Variants in SSH2 observed in about 807,000 individuals in gnomAD.
The protein encoded by SSH2 is protein phosphatase Slingshot homolog 2.
In SSH2, 37 loss-of-function variants were observed where a neutral mutation model predicts 135.2. The ratio of observed to expected loss-of-function variants is 0.27; its 90% CI spans 0.21 to 0.36. The LOEUF (loss-of-function observed/expected upper bound fraction) is 0.36. Among genes scored for constraint, SSH2 ranks in the 10% least tolerant of loss-of-function variants. SSH2 has a pLI of 1.00. For missense variants in SSH2, 1,408 were observed against 1,765.3 expected (o/e 0.80, Z 3.63); for synonymous variants, 628 against 646.2 (o/e 0.97, Z 0.43).
chr17:29,899,033 C>T (rs944336648), intron 1 of SSH2, among the ~76,000 whole-genome samples: 1 of 151,996 alleles, frequency 6.6e-6, no homozygotes, highest in African/African-American at 2.4e-5. Flanking sequence ...AAAAACCACA[C>T]GATTATCTCA....
intron 1 of SSH2, among the ~76,000 whole-genome samples, chr17:29,878,391 C>G (rs1188767929): frequency 6.6e-6 from 1 of 152,178 alleles, no homozygotes. Flanking sequence ...TGTGCCATTG[C>G]ACTCCAGCCT....
At chr17:29,761,843 A>ATGTGTGTGTGTGTGTGTGTGTGTG in intron 3 of SSH2, among the ~76,000 whole-genome samples, 1 of 142,542 alleles carries the variant, frequency 7.0e-6, no homozygotes, top group African/African-American at 2.7e-5. Flanking sequence ...TCACATACAT[A>ATGTGTGTGTGTGTGTGTGTGTGTG]TGTGTGTGTG....
intron 3 of SSH2, among the ~76,000 whole-genome samples, chr17:29,792,039 C>T (rs1298764779): frequency 6.6e-6 from 1 of 151,318 alleles, no homozygotes; most frequent in African/African-American, 2.4e-5. Flanking sequence ...TTTTCTGCCT[C>T]AGCCTCCTGA....
intron 4 of SSH2, among the ~76,000 whole-genome samples, chr17:29,696,923 A>G (rs528129811): frequency 1.6e-4 from 25 of 152,012 alleles, no homozygotes; most frequent in African/African-American, 5.8e-4. Context: ...TGACCTTGTG[A>G]TCCGCCTGCC....
intron 1 of SSH2, among the ~76,000 whole-genome samples, chr17:29,875,955 C>T (rs2066020618): frequency 1.5e-5 from 2 of 134,454 alleles, no homozygotes; most frequent in Admixed American, 1.5e-4. Context: ...AACTATAAAC[C>T]ACTGATGAAA....
chr17:29,641,852 C>A (rs1224551002), intron 14 of SSH2: 1 of 151,504 alleles, frequency 6.6e-6, no homozygotes, highest in Non-Finnish European at 1.5e-5. Flanking sequence ...CGCCTGTAAT[C>A]TAGCTACTCA....
intron 3 of SSH2, among the ~76,000 whole-genome samples, chr17:29,737,932 T>C: frequency 6.6e-6 from 1 of 151,908 alleles, no homozygotes; most frequent in East Asian, 1.9e-4. Flanking sequence ...TATTTATTTA[T>C]TTATTTATTT....
chr17:29,715,590 T>G (rs2039596436), intron 3 of SSH2, among the ~76,000 whole-genome samples: 1 of 152,112 alleles, frequency 6.6e-6, no homozygotes, highest in Non-Finnish European at 1.5e-5. Context: ...CTATTCTCTT[T>G]GCTCCAGATT....
chr17:29,844,121 T>C (rs1268969033), intron 2 of SSH2, among the ~76,000 whole-genome samples: 2 of 152,190 alleles, frequency 1.3e-5, no homozygotes, highest in Non-Finnish European at 2.9e-5. Flanking sequence ...CACTGGGCTA[T>C]TCAAACATAA....
chr17:29,920,055 C>A (rs549954848), intron 1 of SSH2, among the ~76,000 whole-genome samples: 3 of 152,108 alleles, frequency 2.0e-5, no homozygotes, highest in African/African-American at 7.2e-5. Flanking sequence ...TACAGGCATG[C>A]GCCACCACAC....
intron 2 of SSH2, among the ~76,000 whole-genome samples, chr17:29,834,255 T>C (rs2151369705): frequency 6.6e-6 from 1 of 152,248 alleles, no homozygotes; most frequent in South Asian, 2.1e-4. Context: ...TCATATCTAA[T>C]ACATTGTTTT....
chr17:29,785,012 C>G (rs2041929613), intron 3 of SSH2, among the ~76,000 whole-genome samples: 1 of 151,968 alleles, frequency 6.6e-6, no homozygotes, highest in Non-Finnish European at 1.5e-5. Flanking sequence ...CTTCATTTTT[C>G]CCTTATAAAG....
chr17:29,920,825 T>A lies in SSH2; in HGVS notation c.63+9113A>T, dbSNP rs1346225360. Among the ~76,000 whole-genome samples, 6 of 152,232 alleles carry A rather than the reference T, an allele frequency of 3.9e-5. No individual in the cohort carries two copies. In the East Asian group the frequency reaches 1.2e-3, roughly 29 times the overall value. ...AAACCCACACACAAGACTGGATTGA[T>A]GGCATTAAAATTTTGTAAATGTCTG... is the stretch of plus-strand genomic sequence containing the variant. On this transcript the variant is annotated intron_variant, in intron 1 of 15. Coordinates refer to ENST00000540801, the MANE Select transcript of SSH2 (RefSeq NM_001282129.2).
intron 2 of SSH2, among the ~76,000 whole-genome samples, chr17:29,814,155 G>T (rs181376140): frequency 0.057 from 7,473 of 131,254 alleles, 861 homozygotes; most frequent in African/African-American, 0.22. Context: ...AAAAAAAAAG[G>T]CCGGGCACGG....
intron 1 of SSH2, among the ~76,000 whole-genome samples, chr17:29,903,003 T>G (rs1481252790): frequency 6.6e-6 from 1 of 151,910 alleles, no homozygotes; most frequent in Non-Finnish European, 1.5e-5. Context: ...TTGGCCAACA[T>G]GGTGAAACCC....
Position 29,738,939 on chromosome 17 carries a change from A to G in SSH2, c.189-35877T>C, listed in dbSNP as rs2040466922. Among the ~76,000 whole-genome samples, 3 of 152,260 alleles carry G rather than the reference A, an allele frequency of 2.0e-5. No homozygotes were observed. The South Asian group carries it at 6.2e-4, about 31-fold the overall frequency. On this transcript the variant is annotated intron_variant, in intron 3 of 15. Coordinates refer to ENST00000540801, the MANE Select transcript of SSH2 (RefSeq NM_001282129.2). ...CATAATTGTTTGAATCAAATGTTAT[A>G]TGAATTGTGAAAACACTTTTAAAAC...
At chr17:29,750,157 G>A (rs1372723903) in intron 3 of SSH2, among the ~76,000 whole-genome samples, 1 of 151,810 alleles carries the variant, frequency 6.6e-6, no homozygotes. Context: ...AGAAAAACTG[G>A]CCGGGAGGGG....
chr17:29,898,112 G>A (rs2066477817), intron 1 of SSH2, among the ~76,000 whole-genome samples: 1 of 151,954 alleles, frequency 6.6e-6, no homozygotes, highest in Non-Finnish European at 1.5e-5. Flanking sequence ...CAGAATCTCT[G>A]GGACATATTT....
chr17:29,867,865 T>C (rs1400124681), intron 1 of SSH2, among the ~76,000 whole-genome samples: 3 of 152,166 alleles, frequency 2.0e-5, no homozygotes, highest in Non-Finnish European at 4.4e-5. Flanking sequence ...GGAACCTAGA[T>C]TGATATCAAG....
Sources: allele counts gnomAD v4.1 joint callset (sites outside exome capture counted in the v4.1 genomes callset), GRCh38; gene constraint gnomAD v4.1.1; transcripts MANE v1.5; gene names NCBI Gene and HGNC (gene_info 2026-07-23, HGNC 2026-07-21).